Variants in NAALADL2 observed in about 807,000 individuals in gnomAD.
The protein encoded by NAALADL2 is inactive N-acetylated-alpha-linked acidic dipeptidase-like protein 2.
Under a neutral mutation model 87.2 loss-of-function variants are expected in NAALADL2, and 76 were observed. That is an observed-to-expected ratio of 0.87 (90% confidence interval 0.72 to 1.05). The LOEUF (loss-of-function observed/expected upper bound fraction) is 1.05. NAALADL2 is among the 50% of genes least tolerant of loss of function. The probability of loss-of-function intolerance (pLI) is 0.00; values close to 1 mark genes in which losing one functional copy is unlikely to be tolerated. For missense variants in NAALADL2, 1,089 were observed against 945.8 expected (o/e 1.15, Z -1.99); for synonymous variants, 354 against 331.0 (o/e 1.07, Z -0.75).
chr3:175,423,051 A>ATATATATATATATATATAT (rs1458599872), intron 5 of NAALADL2, among the ~76,000 whole-genome samples: 3 of 91,510 alleles, frequency 3.3e-5, no homozygotes, highest in African/African-American at 1.3e-4. Context: ...ATATATATAT[A>ATATATATATATATATATAT]TTTTTTTTTT....
At chr3:175,138,016 T>C (rs1313397632) in intron 2 of NAALADL2, among the ~76,000 whole-genome samples, 2 of 152,132 alleles carry the variant, frequency 1.3e-5, no homozygotes, top group Non-Finnish European at 2.9e-5. Context: ...TTTTCCTCCT[T>C]TAGAAAATAA....
intron 10 of NAALADL2, among the ~76,000 whole-genome samples, chr3:175,595,714 A>T (rs1055360071): frequency 2.0e-5 from 3 of 152,122 alleles, no homozygotes. Flanking sequence ...AGAGAAGTAT[A>T]AAACACTGTT....
chr3:175,339,962 A>G (rs1031329876), intron 5 of NAALADL2, among the ~76,000 whole-genome samples: 3 of 152,126 alleles, frequency 2.0e-5, no homozygotes, highest in Admixed American at 2.0e-4. Flanking sequence ...TCAACACATC[A>G]TTATTTAAAA....
chr3:175,259,639 C>T (rs1750669459), intron 4 of NAALADL2, among the ~76,000 whole-genome samples: 1 of 152,114 alleles, frequency 6.6e-6, no homozygotes, highest in African/African-American at 2.4e-5. Context: ...TGGATAATTT[C>T]TACTTTTCCG....
chr3:175,673,320 C>T (rs2149851241), intron 11 of NAALADL2, among the ~76,000 whole-genome samples: 1 of 152,206 alleles, frequency 6.6e-6, no homozygotes, highest in South Asian at 2.1e-4. Context: ...AGAGTCAGAG[C>T]ATCATCTTCA....
At chr3:175,149,403 A>G (rs1483213601) in intron 2 of NAALADL2, among the ~76,000 whole-genome samples, 1 of 152,172 alleles carries the variant, frequency 6.6e-6, no homozygotes, top group African/African-American at 2.4e-5. Context: ...AAATTTTAGG[A>G]ATTGCACCTA....
At chr3:175,593,441 G>T (rs1267120625) in intron 10 of NAALADL2, among the ~76,000 whole-genome samples, 1 of 152,144 alleles carries the variant, frequency 6.6e-6, no homozygotes, top group Non-Finnish European at 1.5e-5. Context: ...ACAGGACAGT[G>T]AAGTGGGTTA....
chr3:175,405,045 A>G (rs1044128843), intron 5 of NAALADL2, among the ~76,000 whole-genome samples: 6 of 152,172 alleles, frequency 3.9e-5, no homozygotes, highest in East Asian at 1.9e-4. Context: ...ACAATCACCT[A>G]TATCCAACTT....
At chr3:174,865,399 C>T (rs1339114227) in intron 1 of NAALADL2, among the ~76,000 whole-genome samples, 1 of 151,934 alleles carries the variant, frequency 6.6e-6, no homozygotes, top group Non-Finnish European at 1.5e-5. Context: ...TGCTGAAATC[C>T]ATTCAATCTC....
chr3:175,570,834 C>T (rs910111535), intron 9 of NAALADL2, among the ~76,000 whole-genome samples: 9 of 145,570 alleles, frequency 6.2e-5, no homozygotes, highest in East Asian at 4.1e-4. Context: ...GAGCCAATAT[C>T]GTGCCACTGC....
chr3:175,176,313 G>T (rs968539105), intron 2 of NAALADL2, among the ~76,000 whole-genome samples: 5 of 151,966 alleles, frequency 3.3e-5, no homozygotes, highest in African/African-American at 4.8e-5. Context: ...TTACTAAATA[G>T]AATCAAAATA....
At chr3:175,281,730 A>G (rs1031293459) in intron 4 of NAALADL2, among the ~76,000 whole-genome samples, 1 of 151,934 alleles carries the variant, frequency 6.6e-6, no homozygotes, top group Non-Finnish European at 1.5e-5. Context: ...ATACTTGTGA[A>G]TATTTCAATA....
At chr3:175,537,314 T>G (rs1264192958) in intron 9 of NAALADL2, among the ~76,000 whole-genome samples, 1 of 152,200 alleles carries the variant, frequency 6.6e-6, no homozygotes, top group Non-Finnish European at 1.5e-5. Flanking sequence ...ACCTATGACT[T>G]TGACAATTTA....
At chr3:174,943,815 C>T (rs1738984514) in intron 1 of NAALADL2, among the ~76,000 whole-genome samples, 1 of 152,134 alleles carries the variant, frequency 6.6e-6, no homozygotes. Context: ...TGTGGTAAGG[C>T]ATTTAGGGTC....
intron 3 of NAALADL2, among the ~76,000 whole-genome samples, chr3:174,840,113 A>G (rs747986381): frequency 6.6e-6 from 1 of 151,738 alleles, no homozygotes; most frequent in Non-Finnish European, 1.5e-5. Context: ...AATGCCCATC[A>G]ATCAACGAGT....
At chr3:175,551,986 A>G (rs1018838188) in intron 9 of NAALADL2, among the ~76,000 whole-genome samples, 1 of 151,820 alleles carries the variant, frequency 6.6e-6, no homozygotes, top group African/African-American at 2.4e-5. Flanking sequence ...GTTTGTGATA[A>G]ATGTAGAAAT....
At chr3:175,214,994 C>G (rs1234003911) in intron 2 of NAALADL2, among the ~76,000 whole-genome samples, 1 of 152,128 alleles carries the variant, frequency 6.6e-6, no homozygotes, top group Non-Finnish European at 1.5e-5. Context: ...GTACTTTAAA[C>G]TATACGGACT....
rs533182631 is a variant in NAALADL2, at chr3:174,924,465, C to T, written c.43+65015C>T. On this transcript the variant is annotated intron_variant, in intron 1 of 13. Transcript: ENST00000454872. ...TTTTCTTAATCCAGTCTATCATTGA[C>T]GGACATTTGGGTTGGTTCCAAGTCT... is the stretch of plus-strand genomic sequence containing the variant. Among the ~76,000 whole-genome samples the T allele has an allele frequency of 6.3e-3, 950 of 151,916 alleles. 8 individuals are homozygous for T. Among genetic ancestry groups the T allele is most frequent in the African/African-American group, 0.021 (860 of 41,404 alleles).
chr3:175,177,742 G>C (rs1014736147), intron 2 of NAALADL2, among the ~76,000 whole-genome samples: 3 of 151,936 alleles, frequency 2.0e-5, no homozygotes, highest in Admixed American at 6.6e-5. Flanking sequence ...ATGTATGCAC[G>C]TATTTAATCC....
Sources: gnomAD v4.1 joint callset for allele counts (sites outside exome capture counted in the v4.1 genomes callset) on GRCh38, gnomAD v4.1.1 for gene constraint, MANE v1.5 for transcripts, NCBI Gene and HGNC (gene_info 2026-07-23, HGNC 2026-07-21) for gene names.